Variants in S100Z observed in about 807,000 individuals in gnomAD.
The protein encoded by S100Z is protein S100-Z.
A neutral mutation model predicts 8.5 loss-of-function variants in S100Z; 11 were observed. The ratio of observed to expected loss-of-function variants is 1.30; its 90% CI spans 0.82 to 2.15. The LOEUF (loss-of-function observed/expected upper bound fraction) is 2.15, where lower values mean the gene tolerates loss of function less well. Among genes scored for constraint, S100Z ranks in the 30% most tolerant of loss-of-function variants. The pLI is 0.00. For missense variants in S100Z, 126 were observed against 117.9 expected, an observed-to-expected ratio of 1.07 and a Z score of -0.32; for synonymous variants, 34 against 43.8, an observed-to-expected ratio of 0.78 and a Z score of 0.89.
chr5:76,930,518 A>G, the S100Z span, among the ~76,000 whole-genome samples: 2 of 152,184 alleles, frequency 1.3e-5, no homozygotes, highest in South Asian at 2.1e-4. Context: ...CAGGACCACA[A>G]AGCCTAAGGT....
chr5:76,889,855 C>T (rs1743796991), intron 4 of S100Z, among the ~76,000 whole-genome samples: 1 of 152,168 alleles, frequency 6.6e-6, no homozygotes. Flanking sequence ...AATTCAAGGA[C>T]CATCTCTGAA....
At chr5:76,863,642 C>A (rs540373465) in intron 1 of S100Z, among the ~76,000 whole-genome samples, 16 of 151,940 alleles carry the variant, frequency 1.1e-4, no homozygotes, top group Non-Finnish European at 2.2e-4. Flanking sequence ...GGGTTCACGC[C>A]ATTCTCCTGC....
the S100Z span, among the ~76,000 whole-genome samples, chr5:76,944,196 T>C: frequency 6.6e-6 from 1 of 152,150 alleles, no homozygotes; most frequent in Admixed American, 6.5e-5. Context: ...GGTTTTACCA[T>C]TGAACCCTCA....
chr5:76,852,466 T>A (rs995905934), intron 1 of S100Z, among the ~76,000 whole-genome samples: 1 of 152,106 alleles, frequency 6.6e-6, no homozygotes, highest in Admixed American at 6.6e-5. Flanking sequence ...ACCCCAGTAC[T>A]TTGGGAAGCT....
intron 1 of S100Z, among the ~76,000 whole-genome samples, chr5:76,855,700 TTTTGGAC>T (rs1382656489): frequency 2.0e-5 from 3 of 152,116 alleles, no homozygotes; most frequent in South Asian, 2.1e-4. Context: ...TCAGATGAGA[TTTTGGAC>T]TTTGGACTTT....
the S100Z span, among the ~76,000 whole-genome samples, chr5:76,951,851 G>A: frequency 2.0e-5 from 3 of 152,132 alleles, no homozygotes; most frequent in Non-Finnish European, 4.4e-5. Context: ...CCAACAAAGA[G>A]GCCGCCTCTC....
intron 4 of S100Z, among the ~76,000 whole-genome samples, chr5:76,892,698 A>C (rs1199195052): frequency 6.6e-6 from 1 of 152,210 alleles, no homozygotes; most frequent in Non-Finnish European, 1.5e-5. Context: ...AGAGGCAAGC[A>C]GTTGCATTCT....
intron 4 of S100Z, among the ~76,000 whole-genome samples, chr5:76,879,011 T>C (rs1018860570): frequency 1.3e-5 from 2 of 152,202 alleles, no homozygotes; most frequent in African/African-American, 4.8e-5. Flanking sequence ...GCAATGTGCC[T>C]GGCTAAAAAG....
intron 4 of S100Z, among the ~76,000 whole-genome samples, chr5:76,891,833 A>AG (rs1743869685): frequency 6.6e-6 from 1 of 150,452 alleles, no homozygotes; most frequent in South Asian, 2.1e-4. Context: ...GAGAGGGAGG[A>AG]GGGGGAGGGA....
intron 3 of S100Z, among the ~76,000 whole-genome samples, chr5:76,877,421 C>T (rs190723738): frequency 1.7e-4 from 26 of 152,250 alleles, no homozygotes; most frequent in Admixed American, 1.6e-3. Context: ...AACAGTCACT[C>T]ACTTTGATCA....
intron 4 of S100Z, 76 bp downstream of exon 4, chr5:76,877,910 C>A: frequency 1.1e-6 from 1 of 902,172 alleles, no homozygotes; most frequent in Non-Finnish European, 1.8e-6. Flanking sequence ...CCGTTCAGAT[C>A]TATAGACCCA....
At chr5:76,871,491 C>G (rs893672326) in intron 2 of S100Z, among the ~76,000 whole-genome samples, 1 of 149,820 alleles carries the variant, frequency 6.7e-6, no homozygotes, top group Non-Finnish European at 1.5e-5. Context: ...CAATGCTTAA[C>G]TCTTTCAACA....
At chr5:76,938,043 G>A in the S100Z span, among the ~76,000 whole-genome samples, 1 of 151,410 alleles carries the variant, frequency 6.6e-6, no homozygotes, top group Non-Finnish European at 1.5e-5. Context: ...GCAGTGAGCC[G>A]AGATCGCGCC....
intron 4 of S100Z, chr5:76,878,068 C>T: frequency 3.6e-6 from 1 of 276,714 alleles, no homozygotes; most frequent in East Asian, 6.2e-5. Context: ...TATTAAGAGG[C>T]TATATGCATC....
intron 1 of S100Z, among the ~76,000 whole-genome samples, chr5:76,858,154 C>T (rs1257084833): frequency 1.3e-5 from 2 of 152,194 alleles, no homozygotes; most frequent in African/African-American, 2.4e-5. Flanking sequence ...GATTCCACCA[C>T]ACTCATTTCA....
At chr5:76,891,025 C>A (rs1443736942) in intron 4 of S100Z, among the ~76,000 whole-genome samples, 2 of 152,088 alleles carry the variant, frequency 1.3e-5, no homozygotes, top group Non-Finnish European at 2.9e-5. Flanking sequence ...CCACGCCTGG[C>A]TAATTTTTGT....
chr5:76,869,266 G>A (rs1742909445), intron 1 of S100Z, among the ~76,000 whole-genome samples: 1 of 152,158 alleles, frequency 6.6e-6, no homozygotes, highest in Admixed American at 6.6e-5. Flanking sequence ...GTGATGTTGG[G>A]AATGTATGGT....
At chr5:76,856,232 C>A (rs1750877927) in intron 1 of S100Z, among the ~76,000 whole-genome samples, 2 of 152,166 alleles carry the variant, frequency 1.3e-5, no homozygotes, top group South Asian at 2.1e-4. Flanking sequence ...TGCTCTTTCA[C>A]CCAGGCTGGA....
At chr5:76,905,142 A>G (rs1744380933) in intron 4 of S100Z, among the ~76,000 whole-genome samples, 1 of 152,190 alleles carries the variant, frequency 6.6e-6, no homozygotes. Flanking sequence ...AAAAATTATC[A>G]ATCTAAGATG....
Sources: allele counts gnomAD v4.1 joint callset (sites outside exome capture counted in the v4.1 genomes callset), GRCh38; gene constraint gnomAD v4.1.1; transcripts MANE v1.5; gene names NCBI Gene and HGNC (gene_info 2026-07-23, HGNC 2026-07-21).